LRRC69: variants seen among roughly 807,000 people sequenced by gnomAD.
LRRC69 encodes leucine-rich repeat-containing protein 69.
In LRRC69, 42 loss-of-function variants were observed where a neutral mutation model predicts 37.8. That is an observed-to-expected ratio of 1.11 (90% CI 0.87 to 1.44). LRRC69 has a LOEUF of 1.44. Among genes scored for constraint, LRRC69 ranks in the 40% most tolerant of loss-of-function variants. The probability of loss-of-function intolerance (pLI) is 0.00; values close to 1 mark genes in which losing one functional copy is unlikely to be tolerated. For missense variants in LRRC69, 357 were observed against 401.9 expected, an observed-to-expected ratio of 0.89 and a Z score of 0.96; for synonymous variants, 141 against 143.1, an observed-to-expected ratio of 0.99 and a Z score of 0.11.
chr8:91,164,378 T>G (rs759152772), intron 5 of LRRC69, among the ~76,000 whole-genome samples: 10 of 151,666 alleles, frequency 6.6e-5, no homozygotes, highest in Non-Finnish European at 1.2e-4. Flanking sequence ...CAGGACTGCT[T>G]TCCTTTAGGA....
chr8:91,169,918 T>C (rs1203191546), intron 5 of LRRC69, among the ~76,000 whole-genome samples: 6 of 116,446 alleles, frequency 5.2e-5, no homozygotes, highest in Admixed American at 2.5e-4. Context: ...TAATCCAGTC[T>C]ATCATTGTTG....
At chr8:91,106,362 T>C (rs1586220174) in intron 1 of LRRC69, among the ~76,000 whole-genome samples, 1 of 152,044 alleles carries the variant, frequency 6.6e-6, no homozygotes, top group East Asian at 1.9e-4. Flanking sequence ...TGGTCATATT[T>C]CCCACAGAAT....
intron 5 of LRRC69, among the ~76,000 whole-genome samples, chr8:91,183,739 G>T (rs1437398398): frequency 6.6e-6 from 1 of 152,192 alleles, no homozygotes; most frequent in African/African-American, 2.4e-5. Context: ...ATGTTAACTA[G>T]GTTGGAATTG....
In LRRC69 at chr8:91,116,992, A is replaced by G. The variant is rs1440252059; in HGVS notation, c.184-7501A>G. Among the ~76,000 whole-genome samples the G allele has an allele frequency of 2.6e-5, 4 of 152,066 alleles. No homozygotes were observed. In the East Asian group the frequency reaches 5.8e-4, roughly 22 times the overall value. ...GATGTAAGAGAAAGTGCACATGCCTATTTTAAGGCAGGCCACAGATAGGCT... is the reference window on the plus strand; with the variant it reads ...GATGTAAGAGAAAGTGCACATGCCTGTTTTAAGGCAGGCCACAGATAGGCT... On this transcript the variant is annotated intron_variant, in intron 1 of 7. Coordinates refer to ENST00000448384, the Ensembl canonical transcript of LRRC69.
rs143182396 is a variant in LRRC69 at position 91,212,332 on chromosome 8, G to A, written c.934-6558G>A. 1.2e-3 allele frequency among the ~76,000 whole-genome samples: 177 copies of A among 152,116 alleles called. 1 individual carries two copies. The highest frequency in any genetic ancestry group is 4.2e-3 in the African/African-American group (174 of 41,520). ...TTCATTTCTTATAGTTTCGTTAGTT[G>A]AACTTAACATTTCCCCAGATTCCTT... On this transcript the variant is annotated intron_variant, in intron 7 of 7. Transcript: ENST00000448384.
At chr8:91,197,475 C>G (rs1286471104) in intron 6 of LRRC69, among the ~76,000 whole-genome samples, 2 of 152,082 alleles carry the variant, frequency 1.3e-5, no homozygotes, top group African/African-American at 2.4e-5. Flanking sequence ...TCTCAGACTG[C>G]TGTGCTAGCA....
chr8:91,211,723 G>T (rs536085779), intron 7 of LRRC69, among the ~76,000 whole-genome samples: 1 of 151,052 alleles, frequency 6.6e-6, no homozygotes, highest in East Asian at 1.9e-4. Context: ...GACCTTTAGA[G>T]CAAATACTTT....
chr8:91,204,748 A>G (rs1184889727), intron 7 of LRRC69, among the ~76,000 whole-genome samples: 1 of 152,046 alleles, frequency 6.6e-6, no homozygotes, highest in Non-Finnish European at 1.5e-5. Context: ...TACATTTCTA[A>G]CTCCTGGATG....
chr8:91,175,947 T>C (rs1563614670), intron 5 of LRRC69, among the ~76,000 whole-genome samples: 2 of 151,524 alleles, frequency 1.3e-5, no homozygotes, highest in African/African-American at 2.4e-5. Flanking sequence ...ATATTTCTTT[T>C]ACTGAATCTT....
At chr8:91,132,567 T>C (rs1322464338) in intron 3 of LRRC69, among the ~76,000 whole-genome samples, 1 of 152,040 alleles carries the variant, frequency 6.6e-6, no homozygotes, top group Non-Finnish European at 1.5e-5. Flanking sequence ...AACCTTTTTC[T>C]CCTTAGCCAA....
At chr8:91,195,953 A>G (rs562548549) in intron 6 of LRRC69, among the ~76,000 whole-genome samples, 1 of 152,222 alleles carries the variant, frequency 6.6e-6, no homozygotes, top group African/African-American at 2.4e-5. Context: ...TGGTCTTTAC[A>G]TTTTGGCATG....
At position 91,156,620 on chromosome 8, in the gene LRRC69, G is replaced by A. The variant is rs1032546254; in HGVS notation, c.651+20881G>A. Among the ~76,000 whole-genome samples, 6 of 150,830 alleles carry A rather than the reference G, an allele frequency of 4.0e-5. No individual in the cohort carries two copies. In the South Asian group the frequency reaches 1.3e-3, roughly 32 times the overall value. Reference sequence around the variant, plus strand: ...TTGCTTTTGTTGTCCGTGGTTTGGAGTATTTTTTAATTCTCTTTTTAAAAA... The same window carrying A: ...TTGCTTTTGTTGTCCGTGGTTTGGAATATTTTTTAATTCTCTTTTTAAAAA... On this transcript the variant is annotated intron_variant, in intron 5 of 7. Coordinates refer to ENST00000448384, the Ensembl canonical transcript of LRRC69.
chr8:91,149,963 A>G (rs962338089), intron 5 of LRRC69, among the ~76,000 whole-genome samples: 3 of 152,014 alleles, frequency 2.0e-5, no homozygotes, highest in South Asian at 2.1e-4. Flanking sequence ...GAAGTTGCCT[A>G]TCAGCTTAAG....
At position 91,134,768 on chromosome 8, in the gene LRRC69, G is replaced by A. The variant is rs532378194; in HGVS notation, c.580-900G>A. Among the ~76,000 whole-genome samples, 9 of 152,156 alleles carry A rather than the reference G, an allele frequency of 5.9e-5. No individual in the cohort carries two copies. The South Asian group carries it at 1.9e-3, about 32-fold the overall frequency. On this transcript the variant is annotated intron_variant, in intron 4 of 7. Coordinates refer to ENST00000448384, the Ensembl canonical transcript of LRRC69. ...GTTCCAAATAACTCAGAGAATCTCAGCTTAAACTTCACTTTTTCCAGGAAG... is the reference window on the plus strand; with the variant it reads ...GTTCCAAATAACTCAGAGAATCTCAACTTAAACTTCACTTTTTCCAGGAAG...
intron 1 of LRRC69, among the ~76,000 whole-genome samples, chr8:91,105,692 AG>A (rs985667723): frequency 6.6e-6 from 1 of 151,118 alleles, no homozygotes; most frequent in Non-Finnish European, 1.5e-5. Context: ...AGGCAGATGA[AG>A]GTTTCAAAGA....
intron 7 of LRRC69, among the ~76,000 whole-genome samples, chr8:91,218,476 A>T (rs1041494199): frequency 5.3e-5 from 8 of 152,198 alleles, no homozygotes; most frequent in Non-Finnish European, 1.0e-4. Context: ...ATTAATTTCC[A>T]TGGCAACTGC....
intron 6 of LRRC69, among the ~76,000 whole-genome samples, chr8:91,195,391 G>T (rs1302500017): frequency 6.6e-6 from 1 of 151,132 alleles, no homozygotes; most frequent in Non-Finnish European, 1.5e-5. Flanking sequence ...TCAATTCCTG[G>T]GTATCCTTGT....
At chr8:91,213,171 A>G (rs899161012) in intron 7 of LRRC69, among the ~76,000 whole-genome samples, 1 of 152,272 alleles carries the variant, frequency 6.6e-6, no homozygotes, top group East Asian at 1.9e-4. Flanking sequence ...GAGCAGGACC[A>G]CTGTGTGGGG....
chr8:91,150,372 T>C (rs1206513142), intron 5 of LRRC69, among the ~76,000 whole-genome samples: 1 of 152,062 alleles, frequency 6.6e-6, no homozygotes, highest in Non-Finnish European at 1.5e-5. Flanking sequence ...GTTCTGTTTA[T>C]GTGCTGGATT....
Sources: gnomAD v4.1 joint callset for allele counts (sites outside exome capture counted in the v4.1 genomes callset) on GRCh38, gnomAD v4.1.1 for gene constraint, MANE v1.5 for transcripts, NCBI Gene and HGNC (gene_info 2026-07-23, HGNC 2026-07-21) for gene names.